Variants in KCNT2 observed in about 807,000 individuals in gnomAD.
The protein encoded by KCNT2 is potassium channel subfamily T member 2.
A neutral mutation model predicts 153.8 loss-of-function variants in KCNT2; 67 were observed. The observed-to-expected ratio is 0.44, with a 90% confidence interval of 0.36 to 0.53. The LOEUF (loss-of-function observed/expected upper bound fraction) is 0.53, where lower values mean the gene tolerates loss of function less well. KCNT2 is among the 20% of genes least tolerant of loss of function. The pLI, the probability that KCNT2 is intolerant of heterozygous loss-of-function variation, is 0.00. For missense variants in KCNT2, 975 were observed against 1,354.8 expected, an observed-to-expected ratio of 0.72 and a Z score of 4.40; for synonymous variants, 500 against 458.8, an observed-to-expected ratio of 1.09 and a Z score of -1.15.
At chr1:196,494,553 CAT>C (rs1680105880) in intron 1 of KCNT2, among the ~76,000 whole-genome samples, 1 of 152,104 alleles carries the variant, frequency 6.6e-6, no homozygotes, top group Admixed American at 6.5e-5. Flanking sequence ...CGCCAGCCAC[CAT>C]GCCGTGTTAG....
At chr1:196,457,973 G>A (rs1254158521) in intron 8 of KCNT2, among the ~76,000 whole-genome samples, 2 of 151,874 alleles carry the variant, frequency 1.3e-5, no homozygotes, top group Non-Finnish European at 2.9e-5. Context: ...GAACGTTTGA[G>A]TTATTAAAGG....
intron 25 of KCNT2, among the ~76,000 whole-genome samples, chr1:196,261,474 C>A (rs929019659): frequency 1.3e-5 from 2 of 151,790 alleles, no homozygotes; most frequent in African/African-American, 4.8e-5. Flanking sequence ...AATAAATATT[C>A]ATATTTTATG....
chr1:196,486,398 T>C (rs904445920), intron 3 of KCNT2, among the ~76,000 whole-genome samples: 1 of 151,998 alleles, frequency 6.6e-6, no homozygotes, highest in Non-Finnish European at 1.5e-5. Flanking sequence ...ATAAAATTCA[T>C]GTATGAAGCA....
intron 13 of KCNT2, among the ~76,000 whole-genome samples, chr1:196,388,325 C>A (rs1282329478): frequency 6.6e-6 from 1 of 151,714 alleles, no homozygotes. Flanking sequence ...TAAAGCTTCA[C>A]AACAGAGGTA....
intron 22 of KCNT2, among the ~76,000 whole-genome samples, chr1:196,291,423 G>C (rs1452364849): frequency 1.3e-5 from 2 of 151,950 alleles, no homozygotes; most frequent in African/African-American, 4.8e-5. Context: ...CCAAGCATCT[G>C]ATTCCATCCT....
At chr1:196,557,420 A>G (rs1173134658) in intron 1 of KCNT2, among the ~76,000 whole-genome samples, 1 of 151,302 alleles carries the variant, frequency 6.6e-6, no homozygotes, top group East Asian at 1.9e-4. Flanking sequence ...AAATCATAGC[A>G]AATGCCATCA....
At position 196,545,694 on chromosome 1, in the gene KCNT2, A is replaced by T. The variant is rs193021617; in HGVS notation, c.96-53353T>A. On this transcript the variant is annotated intron_variant, in intron 1 of 27. Coordinates refer to ENST00000294725, the MANE Select transcript of KCNT2 (RefSeq NM_198503.5). Reference sequence around the variant, plus strand: ...GCACCCCAAAAGAAATGGTGCACCCATTTGCCCAGTGAGCTCTCCATCCCA... The same window carrying T: ...GCACCCCAAAAGAAATGGTGCACCCTTTTGCCCAGTGAGCTCTCCATCCCA... Among the ~76,000 whole-genome samples, 52 of 151,948 alleles carry T rather than the reference A, an allele frequency of 3.4e-4. No individual in the cohort carries two copies. In the East Asian group the frequency reaches 8.3e-3, roughly 24 times the overall value.
intron 27 of KCNT2, among the ~76,000 whole-genome samples, chr1:196,229,979 A>T (rs1266738531): frequency 1.3e-5 from 2 of 152,112 alleles, no homozygotes; most frequent in African/African-American, 4.8e-5. Context: ...AAGATGAAGT[A>T]GATAGTGCTA....
At chr1:196,405,789 T>C (rs2148464222) in intron 12 of KCNT2, among the ~76,000 whole-genome samples, 1 of 151,660 alleles carries the variant, frequency 6.6e-6, no homozygotes, top group South Asian at 2.1e-4. Flanking sequence ...CATTGGACAC[T>C]TTATTTTTTA....
intron 1 of KCNT2, among the ~76,000 whole-genome samples, chr1:196,570,592 C>A (rs1019877213): frequency 6.6e-6 from 1 of 152,024 alleles, no homozygotes; most frequent in Admixed American, 6.6e-5. Context: ...ACAAGAAATA[C>A]TTTATACATG....
chr1:196,488,373 T>A (rs922184720), intron 3 of KCNT2, among the ~76,000 whole-genome samples: 47 of 152,138 alleles, frequency 3.1e-4, no homozygotes, highest in African/African-American at 1.1e-3. Context: ...ACCATAAATA[T>A]TTTTTAATTA....
At chr1:196,361,106 A>G (rs1191426516) in intron 14 of KCNT2, among the ~76,000 whole-genome samples, 3 of 151,994 alleles carry the variant, frequency 2.0e-5, no homozygotes, top group Non-Finnish European at 1.5e-5. Context: ...ACAGCAGCCT[A>G]TGGAGCGGAT....
chr1:196,409,036 GT>G (rs1277559974), intron 12 of KCNT2, among the ~76,000 whole-genome samples: 4 of 145,368 alleles, frequency 2.8e-5, no homozygotes, highest in South Asian at 2.2e-4. Flanking sequence ...TATATTGAGG[GT>G]TTTTTTTTAT....
At chr1:196,460,205 A>AT (rs201122980) in intron 8 of KCNT2, among the ~76,000 whole-genome samples, 2,083 of 151,846 alleles carry the variant, frequency 0.014, 41 homozygotes, top group African/African-American at 0.048. Flanking sequence ...ATCCAAGGGT[A>AT]TTTTTTTAAA....
chr1:196,346,356 T>C (rs1188086765), intron 14 of KCNT2, among the ~76,000 whole-genome samples: 1 of 152,138 alleles, frequency 6.6e-6, no homozygotes, highest in Non-Finnish European at 1.5e-5. Flanking sequence ...GAATTTAGCT[T>C]TTTTGAATAT....
intron 21 of KCNT2, among the ~76,000 whole-genome samples, chr1:196,310,405 G>C (rs1250580078): frequency 6.6e-6 from 1 of 151,730 alleles, no homozygotes; most frequent in Admixed American, 6.6e-5. Context: ...GTCTGAGTTA[G>C]TAATAAATGA....
chr1:196,313,782 C>A (rs1662425631), intron 21 of KCNT2, among the ~76,000 whole-genome samples: 1 of 151,486 alleles, frequency 6.6e-6, no homozygotes, highest in Non-Finnish European at 1.5e-5. Context: ...GAGGTAATTT[C>A]TTTGCAATTT....
chr1:196,435,283 CA>C lies in KCNT2; in HGVS notation c.639-5527del, dbSNP rs1231526857. Among the ~76,000 whole-genome samples the C allele has an allele frequency of 2.7e-5, 4 of 148,342 alleles. No homozygotes were observed. The East Asian group carries it at 8.0e-4, about 30-fold the overall frequency. ...TTGGACTGTTTACTTAACATAATAT[CA>C]TTTGAAATAGTCAAGTACTAAAAGC... On this transcript the variant is annotated intron_variant, in intron 8 of 27. Coordinates refer to ENST00000294725, the MANE Select transcript of KCNT2 (RefSeq NM_198503.5).
At chr1:196,475,101 A>T (rs904392030) in intron 5 of KCNT2, among the ~76,000 whole-genome samples, 8 of 152,220 alleles carry the variant, frequency 5.3e-5, no homozygotes, top group Non-Finnish European at 1.0e-4. Flanking sequence ...ATAATGCTGT[A>T]TTAAATGTAT....
Sources: allele counts gnomAD v4.1 joint callset (sites outside exome capture counted in the v4.1 genomes callset), GRCh38; gene constraint gnomAD v4.1.1; transcripts MANE v1.5; gene names NCBI Gene and HGNC (gene_info 2026-07-23, HGNC 2026-07-21).